Variants in XRCC5 observed in about 807,000 individuals in gnomAD.
XRCC5 encodes DNA repair protein Ku80.
XRCC5 carries 12 observed loss-of-function variants against 95.7 expected under a neutral mutation model. That is an observed-to-expected ratio of 0.13 (90% CI 0.08 to 0.20). The LOEUF (loss-of-function observed/expected upper bound fraction) is 0.20, where lower values mean the gene tolerates loss of function less well. XRCC5 is among the 10% of genes least tolerant of loss of function. The probability of loss-of-function intolerance (pLI) is 1.00; values close to 1 mark genes in which losing one functional copy is unlikely to be tolerated. For missense variants in XRCC5, 595 were observed against 873.9 expected (o/e 0.68, Z 4.02); for synonymous variants, 281 against 290.3 (o/e 0.97, Z 0.33).
At chr2:216,180,715 A>G (rs1259970963) in intron 16 of XRCC5, among the ~76,000 whole-genome samples, 2 of 152,148 alleles carry the variant, frequency 1.3e-5, no homozygotes, top group Non-Finnish European at 2.9e-5. Flanking sequence ...ATTCTAAGGA[A>G]GGCAACCACC....
chr2:216,113,850 G>A (rs1696637354), intron 2 of XRCC5, among the ~76,000 whole-genome samples: 1 of 152,206 alleles, frequency 6.6e-6, no homozygotes, highest in African/African-American at 2.4e-5. Context: ...GGTTTTCTAT[G>A]AGACCCTGCC....
chr2:216,187,881 CCTCT>C (rs1185649200), intron 16 of XRCC5, among the ~76,000 whole-genome samples: 2 of 108,472 alleles, frequency 1.8e-5, no homozygotes, highest in East Asian at 2.8e-4. Context: ...CCTGTCTCTC[CCTCT>C]CTCTCTCTCT....
At chr2:216,149,447 T>TTA (rs1243173798) in intron 14 of XRCC5, among the ~76,000 whole-genome samples, 1 of 152,160 alleles carries the variant, frequency 6.6e-6, no homozygotes, top group Non-Finnish European at 1.5e-5. Flanking sequence ...CTGTTTAGTC[T>TTA]ATCGTTCTAC....
chr2:216,187,232 G>T lies in XRCC5; in HGVS notation c.1835-2993G>T, dbSNP rs536070738. On this transcript the variant is annotated intron_variant, in intron 16 of 20. Coordinates refer to ENST00000392132, the MANE Select transcript of XRCC5 (RefSeq NM_021141.4). Reference sequence around the variant, plus strand: ...GTTTCTGAACCCTCTGGAGGAAAGAGCACAACAGTCTAACATGTAAATAAG... The same window carrying T: ...GTTTCTGAACCCTCTGGAGGAAAGATCACAACAGTCTAACATGTAAATAAG... Among the ~76,000 whole-genome samples, 14 of 152,208 alleles carry T rather than the reference G, an allele frequency of 9.2e-5. No individual in the cohort carries two copies. In the South Asian group the frequency reaches 2.9e-3, roughly 32 times the overall value.
chr2:216,149,340 G>A (rs899147501), intron 14 of XRCC5, among the ~76,000 whole-genome samples: 1 of 151,760 alleles, frequency 6.6e-6, no homozygotes, highest in African/African-American at 2.4e-5. Context: ...CCAACTGCCC[G>A]CCCCCCATAA....
chr2:216,131,416 C>T (rs373343790), intron 9 of XRCC5, among the ~76,000 whole-genome samples: 3 of 152,110 alleles, frequency 2.0e-5, no homozygotes, highest in East Asian at 1.9e-4. Context: ...GAAAATAAAC[C>T]GCAGGCTCCA....
chr2:216,173,099 C>A (rs898847043), intron 16 of XRCC5, among the ~76,000 whole-genome samples: 3 of 151,948 alleles, frequency 2.0e-5, no homozygotes, highest in African/African-American at 7.2e-5. Flanking sequence ...CCTTATTAAA[C>A]TTATTAGTTC....
intron 12 of XRCC5, among the ~76,000 whole-genome samples, chr2:216,138,942 A>C (rs568102330): frequency 1.3e-5 from 2 of 152,292 alleles, no homozygotes; most frequent in Admixed American, 1.3e-4. Context: ...TATTTTGGCT[A>C]GACCCTTTGG....
In XRCC5 at chr2:216,117,025, G is replaced by A. The variant is rs544557868; in HGVS notation, c.319+183G>A. 140 of 655,414 alleles carry A rather than the reference G, an allele frequency of 2.1e-4. No homozygotes were observed. The South Asian group carries it at 2.6e-3, about 12-fold the overall frequency. 40.6% of individuals were successfully genotyped at this position (655,414 alleles called of 1,614,324 possible). On this transcript the variant is annotated intron_variant, in intron 3 of 20. Transcript: ENST00000392132. Reference sequence around the variant, plus strand: ...AATTAATCAGTTTAAAACAGTGCCTGGGCTCCCAGCCCTCCACTCACTTCC... The same window carrying A: ...AATTAATCAGTTTAAAACAGTGCCTAGGCTCCCAGCCCTCCACTCACTTCC...
At chr2:216,116,462 T>C (rs754089182) in intron 2 of XRCC5, among the ~76,000 whole-genome samples, 197 bp from the exon 3 acceptor site, 18 of 152,186 alleles carry the variant, frequency 1.2e-4, no homozygotes, top group Non-Finnish European at 2.4e-4. Context: ...GTGAGACTTA[T>C]GGTCAATGAA....
At chr2:216,173,090 C>T (rs1689201332) in intron 16 of XRCC5, among the ~76,000 whole-genome samples, 1 of 151,958 alleles carries the variant, frequency 6.6e-6, no homozygotes, top group South Asian at 2.1e-4. Flanking sequence ...ATCTTGCAAC[C>T]TTATTAAACT....
intron 16 of XRCC5, among the ~76,000 whole-genome samples, chr2:216,163,692 C>G (rs1241170250): frequency 6.6e-6 from 1 of 152,176 alleles, no homozygotes; most frequent in Non-Finnish European, 1.5e-5. Context: ...CTGGCAAGAT[C>G]CCCAGATCTA....
At chr2:216,128,211 G>A (rs1696926530) in intron 8 of XRCC5, among the ~76,000 whole-genome samples, 1 of 152,068 alleles carries the variant, frequency 6.6e-6, no homozygotes, top group African/African-American at 2.4e-5. Context: ...TTTATCCAGA[G>A]GACTTAGAAA....
intron 5 of XRCC5, 35 bp downstream of exon 5, chr2:216,119,200 C>T (rs1696756729): frequency 1.4e-5 from 22 of 1,610,962 alleles, no homozygotes; most frequent in Non-Finnish European, 1.7e-5. Context: ...TAGACAAATC[C>T]TATGATTTCC....
intron 4 of XRCC5, among the ~76,000 whole-genome samples, chr2:216,118,177 T>G (rs1482690794): frequency 2.2e-5 from 3 of 139,120 alleles, no homozygotes; most frequent in Admixed American, 7.2e-5. Context: ...TTTTTTGTTG[T>G]TTTTTTTTTT....
intron 14 of XRCC5, among the ~76,000 whole-genome samples, chr2:216,149,918 C>T (rs1041640330): frequency 2.0e-5 from 3 of 152,172 alleles, no homozygotes; most frequent in Admixed American, 6.5e-5. Flanking sequence ...TACTCACACA[C>T]GCTTGCTCAC....
chr2:216,153,930 TTTC>T (rs1446252410), intron 14 of XRCC5, among the ~76,000 whole-genome samples: 1 of 152,264 alleles, frequency 6.6e-6, no homozygotes, highest in African/African-American at 2.4e-5. Flanking sequence ...TGTTATCTGC[TTTC>T]TTCTTCCTGC....
At chr2:216,204,622 C>A (rs1574439653) in intron 20 of XRCC5, among the ~76,000 whole-genome samples, 1 of 152,080 alleles carries the variant, frequency 6.6e-6, no homozygotes, top group East Asian at 1.9e-4. Context: ...ATTGTTCATT[C>A]AGATTAATCC....
chr2:216,199,715 C>T (rs1689797583), intron 19 of XRCC5, among the ~76,000 whole-genome samples: 1 of 151,616 alleles, frequency 6.6e-6, no homozygotes, highest in Non-Finnish European at 1.5e-5. Context: ...AGTCACCGGC[C>T]AGGAATCTAG....
Sources: gnomAD v4.1 joint callset for allele counts (sites outside exome capture counted in the v4.1 genomes callset) on GRCh38, gnomAD v4.1.1 for gene constraint, MANE v1.5 for transcripts, NCBI Gene and HGNC (gene_info 2026-07-23, HGNC 2026-07-21) for gene names.